Variants in DLX2 observed in about 807,000 individuals in gnomAD.
DLX2 encodes homeobox protein DLX-2.
In DLX2, 8 loss-of-function variants were observed where a neutral mutation model predicts 27.4. That is an observed-to-expected ratio of 0.29 (90% CI 0.17 to 0.53). The LOEUF is 0.53. Ranked by LOEUF, DLX2 falls within the 20% of genes least tolerant of loss-of-function variation. The pLI, the probability that DLX2 is intolerant of heterozygous loss-of-function variation, is 0.96. For synonymous variants in DLX2, 210 were observed against 200.8 expected (o/e 1.05, Z -0.39); for missense variants, 421 against 450.9 (o/e 0.93, Z 0.60).
At position 172,100,746 on chromosome 2, in the gene DLX2, C is replaced by A; in HGVS notation, c.784G>T (p.Ala262Ser). 1 of 1,549,888 alleles carries A rather than the reference C, an allele frequency of 6.5e-7. No homozygotes were observed. Among genetic ancestry groups the A allele is most frequent in the Non-Finnish European group, 8.7e-7 (1 of 1,151,844 alleles). The change falls in exon 3 of 3, where the codon GCC becomes TCC. Residue 262 changes from alanine to serine, a missense_variant. Transcript: ENST00000234198. The surrounding 1 kb of genome is among the most constrained non-coding windows in gnomAD (Gnocchi z 4.5). ...CTCGGGCTGGAGCCCGAGCTGCCGGCGCCGCTGCCGCCACTGCCCGGACCA... is the reference window on the plus strand; with the variant it reads ...CTCGGGCTGGAGCCCGAGCTGCCGGAGCCGCTGCCGCCACTGCCCGGACCA... ...GGGPGSGGSG[A>S]GSSGSSPSSA...
chr2:172,101,060 C>A (rs912125006), intron 2 of DLX2, 116 bp from the exon 3 acceptor site: 4 of 1,143,736 alleles, frequency 3.5e-6, no homozygotes, highest in African/African-American at 3.2e-5. Context: ...GGGCAGCGAG[C>A]GCCCTGGGGA....
chr2:172,101,432 C>G (rs748686477), intron 2 of DLX2, 30 bp downstream of exon 2: 17 of 1,572,024 alleles, frequency 1.1e-5, no homozygotes, highest in African/African-American at 1.4e-5. Flanking sequence ...GGCCCGCGCT[C>G]TCCTCGCCCC....
Position 172,102,506 on chromosome 2 carries a change from A to G in DLX2, c.33T>C (p.Asp11=). The G allele has an allele frequency of 6.5e-7, 1 of 1,547,902 alleles. No homozygotes were observed. Among genetic ancestry groups the G allele is most frequent in the Non-Finnish European group, 8.7e-7 (1 of 1,146,186 alleles). The change falls in exon 1 of 3, where the codon GAT becomes GAC. Residue 11 remains aspartate, a synonymous_variant. Coordinates refer to ENST00000234198, the MANE Select transcript of DLX2 (RefSeq NM_004405.4). ...AGGCGGCGATCTGGGTCGAGTGCAT[A>G]TCAGCCACTAGACTGTCAAAGACTC... is the stretch of plus-strand genomic sequence containing the variant. The part of the protein sequence containing the change: MTGVFDSLVA[D]MHSTQIAASS...
chr2:172,102,682 C>T lies in DLX2; in HGVS notation c.-144G>A, dbSNP rs969602363. On this transcript the variant is annotated 5_prime_UTR_variant, in exon 1 of 3. Coordinates refer to ENST00000234198, the MANE Select transcript of DLX2 (RefSeq NM_004405.4). ...ACAAGAAAGGAGGCAACCGTCTAGG[C>T]GCCTCCTCCTCCGGGGGAGGCGATC... 1.3e-6 allele frequency: 1 copy of T among 782,564 alleles called. No individual in the cohort carries two copies. Among genetic ancestry groups the T allele is most frequent in the South Asian group, 1.9e-5 (1 of 51,776 alleles). 48.5% of individuals were successfully genotyped at this position (782,564 alleles called of 1,614,324 possible). A position where few individuals can be genotyped will look rare whatever the true frequency, so the allele number is the denominator to read the frequency against.
chr2:172,101,711 A>C lies in DLX2; in HGVS notation c.401-65T>G, dbSNP rs535797196. On this transcript the variant is annotated intron_variant, in intron 1 of 2. Transcript: ENST00000234198. ...GGTCCTGGAGTTCCCGCCCTCCTAG[A>C]GGGCCCGGCGGGGGGGACTTGGCTT... 9.3e-6 allele frequency: 14 copies of C among 1,508,488 alleles called. No individual in the cohort carries two copies. In the East Asian group the frequency reaches 1.1e-4, roughly 12 times the overall value. The allele number at this position is 1,508,488 out of a possible 1,614,324, so 93.4% of individuals were successfully genotyped here. A position where few individuals can be genotyped will look rare whatever the true frequency, so the allele number is the denominator to read the frequency against.
At chr2:172,101,419 T>A (rs185514639) in intron 2 of DLX2, 43 bp downstream of exon 2, 22 of 1,551,780 alleles carry the variant, frequency 1.4e-5, no homozygotes, top group Non-Finnish European at 1.7e-5. Flanking sequence ...CCCAGCCATC[T>A]CAGGCCCGCG....
rs1460974186 is a variant in DLX2, at chr2:172,100,711, G to A, written c.819C>T (p.Ala273=). 5.9e-6 allele frequency: 9 copies of A among 1,532,390 alleles called. No homozygotes were observed. Among genetic ancestry groups the A allele is most frequent in the Non-Finnish European group, 7.0e-6 (8 of 1,150,100 alleles). 94.9% of individuals were successfully genotyped at this position (1,532,390 alleles called of 1,614,324 possible). A position where few individuals can be genotyped will look rare whatever the true frequency, so the allele number is the denominator to read the frequency against. ...AGGGGTAGTTGCCCAGAAAAGCCGA[G>A]GCCGCGCTGCTCGGGCTGGAGCCCG... ...GSSGSSPSSA[A]SAFLGNYPWY... is the part of the protein sequence containing the mutation. The change falls in exon 3 of 3, where the codon GCC becomes GCT. Residue 273 remains alanine, a synonymous_variant. Transcript: ENST00000234198. The surrounding 1 kb of genome is among the most constrained non-coding windows in gnomAD (Gnocchi z 4.5).
intron 1 of DLX2, 108 bp downstream of exon 1, chr2:172,102,031 C>T: frequency 6.6e-7 from 1 of 1,507,172 alleles, no homozygotes; most frequent in Non-Finnish European, 8.9e-7. Flanking sequence ...GGTGAGCAGG[C>T]AGCGTGAAAA....
chr2:172,102,596 T>C lies in DLX2; in HGVS notation c.-58A>G. On this transcript the variant is annotated 5_prime_UTR_variant, in exon 1 of 3. Transcript: ENST00000234198. ...GGGCGTGCGGGGGAAGCCAGGCGCC[T>C]CCTCTGTCTCTCCCGGTCCCCTCCA... The C allele has an allele frequency of 7.0e-7, 1 of 1,428,176 alleles. No individual in the cohort carries two copies. The highest frequency in any genetic ancestry group is 9.3e-7 in the Non-Finnish European group (1 of 1,077,082). 88.5% of individuals were successfully genotyped at this position (1,428,176 alleles called of 1,614,324 possible).
Position 172,100,604 on chromosome 2 carries a change from T to C in DLX2, c.926A>G (p.His309Arg), listed in dbSNP as rs746958257. The change falls in exon 3 of 3, where the codon CAT (histidine) becomes CGT (arginine). Residue 309 changes from histidine (H) to arginine (R), a missense_variant. Physicochemically the swap from His to Arg is conservative, Grantham distance 29. Transcript: ENST00000234198. The surrounding 1 kb of genome is among the most constrained non-coding windows in gnomAD (Gnocchi z 4.5). The stretch of plus-strand genomic sequence containing the variant: ...GCCGCCGTGATGGTGGTGGTGGTGA[T>C]GCGGCTGCGGGGTCTGAGTGGGGTG... ...LLHPTQTPQP[H>R]HHHHHHGGGG... 1 of 1,573,770 alleles carries C rather than the reference T, an allele frequency of 6.4e-7. No individual in the cohort carries two copies. Among genetic ancestry groups the C allele is most frequent in the African/African-American group, 1.4e-5 (1 of 71,162 alleles).
In DLX2 at chr2:172,102,681, G is replaced by A. The variant is rs1205857974; in HGVS notation, c.-143C>T. On this transcript the variant is annotated 5_prime_UTR_variant, in exon 1 of 3. Coordinates refer to ENST00000234198, the MANE Select transcript of DLX2 (RefSeq NM_004405.4). ...AACAAGAAAGGAGGCAACCGTCTAG[G>A]CGCCTCCTCCTCCGGGGGAGGCGAT... 6.3e-6 allele frequency: 5 copies of A among 798,638 alleles called. No individual in the cohort carries two copies. The allele number at this position is 798,638 out of a possible 1,614,324, so 49.5% of individuals were successfully genotyped here.
intron 1 of DLX2, 113 bp from the exon 2 acceptor site, chr2:172,101,759 A>C: frequency 8.4e-7 from 1 of 1,189,836 alleles, no homozygotes; most frequent in Non-Finnish European, 1.2e-6. Context: ...GGGTGCACTG[A>C]ACTGTGGCGC....
rs753186286 is a variant in DLX2 at position 172,100,650 on chromosome 2, G to T, written c.880C>A (p.Gln294Lys). Residue 294 changes from glutamine (Q) to lysine (K), a missense_variant, in exon 3 of 3, where the codon CAG (glutamine) becomes AAG (lysine). Around this residue, in one of 5 missense-constraint regions of DLX2, gnomAD observed 185 missense variants for 171.1 expected, o/e 1.08. Coordinates refer to ENST00000234198, the MANE Select transcript of DLX2 (RefSeq NM_004405.4). The surrounding 1 kb of genome is among the most constrained non-coding windows in gnomAD (Gnocchi z 4.5). ...HQTSGSASHLQATAPLLHPTQ... is the reference protein window; with the variant it reads ...HQTSGSASHLKATAPLLHPTQ... ...GGGTGCAGCAGCGGCGCCGTGGCCTGCAGGTGTGAGGCGGATCCCGAGGTC... is the reference window on the plus strand; with the variant it reads ...GGGTGCAGCAGCGGCGCCGTGGCCTTCAGGTGTGAGGCGGATCCCGAGGTC... The T allele has an allele frequency of 1.9e-6, 3 of 1,564,874 alleles. No homozygotes were observed. The highest frequency in any genetic ancestry group is 2.6e-6 in the Non-Finnish European group (3 of 1,161,776).
intron 2 of DLX2, chr2:172,101,236 G>C: frequency 1.6e-6 from 1 of 622,934 alleles, no homozygotes; most frequent in Non-Finnish European, 2.8e-6. Context: ...AGTAGCGAGA[G>C]GTACGGGATT....
chr2:172,100,371 G>A lies in DLX2; in HGVS notation c.*172C>T. 1 of 635,156 alleles carries A rather than the reference G, an allele frequency of 1.6e-6. No individual in the cohort carries two copies. Among genetic ancestry groups the A allele is most frequent in the Non-Finnish European group, 2.4e-6 (1 of 411,042 alleles). 39.3% of individuals were successfully genotyped at this position (635,156 alleles called of 1,614,324 possible). A position where few individuals can be genotyped will look rare whatever the true frequency, so the allele number is the denominator to read the frequency against. ...TGCTGTCCGGTTCCCCCGAGAGAGG[G>A]GCCCGTTTGGTGGCCCCGGGAGTGA... is the stretch of plus-strand genomic sequence containing the variant. On this transcript the variant is annotated 3_prime_UTR_variant, in exon 3 of 3. Transcript: ENST00000234198. This position sits in a 1 kb window ranked among gnomAD's most constrained non-coding sequence, Gnocchi z 4.5.
intron 2 of DLX2, 28 bp downstream of exon 2, chr2:172,101,434 C>A (rs1691155593): frequency 6.3e-7 from 1 of 1,575,078 alleles, no homozygotes; most frequent in Admixed American, 1.9e-5. Context: ...CCCGCGCTCT[C>A]CTCGCCCCTG....
chr2:172,101,925 C>G (rs542209613), intron 1 of DLX2, among the ~76,000 whole-genome samples: 1 of 152,378 alleles, frequency 6.6e-6, no homozygotes, highest in East Asian at 1.9e-4. Context: ...GCCCACTTGG[C>G]TCTTGAGGCC....
intron 1 of DLX2, 82 bp from the exon 2 acceptor site, chr2:172,101,728 A>G: frequency 1.4e-6 from 2 of 1,455,890 alleles, no homozygotes; most frequent in Non-Finnish European, 1.9e-6. Context: ...GGCGGGGGGG[A>G]CTTGGCTTGA....
At chr2:172,101,152 T>C in intron 2 of DLX2, 1 of 634,594 alleles carries the variant, frequency 1.6e-6, no homozygotes, top group Non-Finnish European at 2.7e-6. Flanking sequence ...AGGCCAGGAC[T>C]GCTGGTGTAC....
Sources: gnomAD v4.1 joint callset for allele counts (sites outside exome capture counted in the v4.1 genomes callset) on GRCh38, gnomAD v4.1.1 for gene constraint, gnomAD v4.1.1 regional missense constraint, Gnocchi (gnomAD v3.1) non-coding constraint, MANE v1.5 for transcripts, NCBI Gene and HGNC (gene_info 2026-07-23, HGNC 2026-07-21) for gene names.